Variants in BBOF1 observed in about 807,000 individuals in gnomAD.
The protein encoded by BBOF1 is basal body-orientation factor 1.
In BBOF1, 62 loss-of-function variants were observed where a neutral mutation model predicts 68.0. The ratio of observed to expected loss-of-function variants is 0.91; its 90% CI spans 0.74 to 1.13. BBOF1 has a LOEUF of 1.13. Among genes scored for constraint, BBOF1 ranks in the 50% most tolerant of loss-of-function variants. The pLI is 0.00. For missense variants in BBOF1, 534 were observed against 600.1 expected, an observed-to-expected ratio of 0.89 and a Z score of 1.15; for synonymous variants, 208 against 198.8, an observed-to-expected ratio of 1.05 and a Z score of -0.39.
intron 9 of BBOF1, among the ~76,000 whole-genome samples, chr14:74,077,897 T>TTA (rs1224469079): frequency 6.6e-6 from 1 of 152,154 alleles, no homozygotes; most frequent in Non-Finnish European, 1.5e-5. Context: ...GACTGTCCAG[T>TTA]TATAGAAAAG....
At chr14:74,054,441 C>T (rs12897774) in intron 8 of BBOF1, among the ~76,000 whole-genome samples, 16,877 of 151,180 alleles carry the variant, frequency 0.11, 1,239 homozygotes, top group Admixed American at 0.19. Flanking sequence ...TGCAGTGGCA[C>T]GATCTCAGCT....
chr14:74,031,914 A>G (rs562322248), intron 3 of BBOF1: 2 of 152,236 alleles, frequency 1.3e-5, no homozygotes, highest in East Asian at 1.9e-4. Flanking sequence ...AGCTTCATGT[A>G]TGTATCTTTT....
chr14:74,022,881 T>C, intron 1 of BBOF1, 35 bp from the exon 2 acceptor site: 1 of 1,166,692 alleles, frequency 8.6e-7, no homozygotes, highest in Non-Finnish European at 1.2e-6. Context: ...GTTGTATAAA[T>C]AGTCATATAC....
rs147004133 is a variant in BBOF1 at position 74,064,870 on chromosome 14, G to C, written c.*171G>C. The C allele has an allele frequency of 1.9e-6, 3 of 1,614,014 alleles. No individual in the cohort carries two copies. The highest frequency in any genetic ancestry group is 2.5e-6 in the Non-Finnish European group (3 of 1,179,992). On this transcript the variant is annotated 3_prime_UTR_variant, in exon 12 of 12. Transcript: ENST00000394009. ...CTCCCCTGAAGGAGGATCGAGAGCC[G>C]GTGAATGAGAACATTGGCAAAGGCA... is the stretch of plus-strand genomic sequence containing the variant.
chr14:74,067,945 A>AC (rs2139776529), downstream of BBOF1, among the ~76,000 whole-genome samples: 1 of 151,892 alleles, frequency 6.6e-6, no homozygotes, highest in Non-Finnish European at 1.5e-5. Context: ...AAACAAACAA[A>AC]AAACAGGAAT....
rs10139971 is a variant in BBOF1 at position 74,057,962 on chromosome 14, T to C, written c.1578+704T>C. On this transcript the variant is annotated intron_variant, in intron 11 of 11. Coordinates refer to ENST00000394009, the MANE Select transcript of BBOF1 (RefSeq NM_025057.3). Reference sequence around the variant, plus strand: ...TGTTAGGAATCTCTGTGACTACATTTAATTCCACTTGGAATATAGACAATA... The same window carrying C: ...TGTTAGGAATCTCTGTGACTACATTCAATTCCACTTGGAATATAGACAATA... 6,309 of 905,568 alleles carry C rather than the reference T, an allele frequency of 7.0e-3. 97 individuals carry two copies. Among genetic ancestry groups the C allele is most frequent in the African/African-American group, 0.051 (2,856 of 55,540 alleles). 56.1% of individuals were successfully genotyped at this position (905,568 alleles called of 1,614,324 possible).
At chr14:74,022,777 A>T (rs1295532403) in intron 1 of BBOF1, 139 bp from the exon 2 acceptor site, 1 of 401,704 alleles carries the variant, frequency 2.5e-6, no homozygotes, top group Non-Finnish European at 4.5e-6. Context: ...ACAATATTTG[A>T]TCATGTGTGC....
intron 9 of BBOF1, among the ~76,000 whole-genome samples, chr14:74,056,022 G>A (rs1341471676): frequency 6.7e-6 from 1 of 149,150 alleles, no homozygotes; most frequent in African/African-American, 2.5e-5. Context: ...TTATTGGTTT[G>A]CAAAGATAAG....
intron 5 of BBOF1, among the ~76,000 whole-genome samples, chr14:74,041,448 T>C (rs2059823471): frequency 6.6e-6 from 1 of 152,236 alleles, no homozygotes; most frequent in Non-Finnish European, 1.5e-5. Context: ...TTCTTTATTT[T>C]AATCCTTTCT....
chr14:74,062,471 C>G (rs1221371162), intron 11 of BBOF1, among the ~76,000 whole-genome samples: 1 of 151,826 alleles, frequency 6.6e-6, no homozygotes, highest in East Asian at 1.9e-4. Flanking sequence ...TGTGGTGGCA[C>G]GTGCCTGTAA....
intron 2 of BBOF1, among the ~76,000 whole-genome samples, chr14:74,028,768 A>G (rs1216600877): frequency 1.3e-5 from 2 of 150,916 alleles, no homozygotes; most frequent in African/African-American, 4.9e-5. Flanking sequence ...GAGTGCAATG[A>G]CGCCATCTCG....
At chr14:74,028,512 A>ACACACACAC (rs1491423768) in intron 2 of BBOF1, among the ~76,000 whole-genome samples, 1 of 122,870 alleles carries the variant, frequency 8.1e-6, no homozygotes, top group African/African-American at 3.0e-5. Context: ...ACACACACAC[A>ACACACACAC]AATAGAGGGA....
At chr14:74,037,719 C>T (rs921499479) in intron 4 of BBOF1, among the ~76,000 whole-genome samples, 2 of 151,692 alleles carry the variant, frequency 1.3e-5, no homozygotes, top group East Asian at 2.0e-4. Context: ...TTTGGGAGGC[C>T]GAGGCAGGCG....
At chr14:74,056,830 A>G (rs1305826118) in intron 9 of BBOF1, 76 bp from the exon 10 acceptor site, 1 of 993,016 alleles carries the variant, frequency 1.0e-6, no homozygotes, top group East Asian at 2.6e-5. Flanking sequence ...AAAAAATTAA[A>G]ATACAAAAAG....
chr14:74,067,274 G>C, downstream of BBOF1: 2 of 1,297,482 alleles, frequency 1.5e-6, no homozygotes, highest in Non-Finnish European at 2.2e-6. Context: ...AGAGGAAATG[G>C]CAAGAATAGA....
intron 4 of BBOF1, among the ~76,000 whole-genome samples, chr14:74,034,863 G>A (rs1376017886): frequency 6.6e-6 from 1 of 152,138 alleles, no homozygotes; most frequent in Non-Finnish European, 1.5e-5. Flanking sequence ...GCCAAGGCAG[G>A]ATAATCTCTT....
At position 74,065,140 on chromosome 14, in the gene BBOF1, T is replaced by C. The variant is rs771902295; in HGVS notation, c.*441T>C. The C allele has an allele frequency of 7.5e-6, 12 of 1,607,096 alleles. No individual in the cohort carries two copies. The East Asian group carries it at 2.5e-4, about 33-fold the overall frequency. ...TTTACTGTTTCCTCTTAGGAAATAG[T>C]AAATGGATATAAGAATCTCTTAAAA... On this transcript the variant is annotated 3_prime_UTR_variant, in exon 12 of 12. Transcript: ENST00000394009.
At chr14:74,072,443 T>G in intron 9 of BBOF1, 2 of 1,613,448 alleles carry the variant, frequency 1.2e-6, no homozygotes, top group Non-Finnish European at 1.7e-6. Context: ...AGTGGCACTA[T>G]GTGCTTTACA....
At chr14:74,070,958 C>T, downstream of BBOF1, 4 of 550,298 alleles carry the variant, frequency 7.3e-6, no homozygotes. Context: ...CTGTGTCTAG[C>T]CCTAATCCAT....
Sources: allele counts gnomAD v4.1 joint callset (sites outside exome capture counted in the v4.1 genomes callset), GRCh38; gene constraint gnomAD v4.1.1; transcripts MANE v1.5; gene names NCBI Gene and HGNC (gene_info 2026-07-23, HGNC 2026-07-21).